TAF3: variants seen among roughly 807,000 people sequenced by gnomAD.
The protein encoded by TAF3 is transcription initiation factor TFIID subunit 3.
Under a neutral mutation model 80.6 loss-of-function variants are expected in TAF3, and 7 were observed. The observed-to-expected ratio is 0.09, with a 90% CI of 0.05 to 0.16. TAF3 has a LOEUF of 0.16. Ranked by LOEUF, TAF3 falls within the 10% of genes least tolerant of loss-of-function variation. TAF3 has a pLI of 1.00. For missense variants in TAF3, 921 were observed against 1,140.2 expected, an observed-to-expected ratio of 0.81 and a Z score of 2.77; for synonymous variants, 444 against 446.1, an observed-to-expected ratio of 1.00 and a Z score of 0.06.
rs1384524129 is a variant in TAF3, at chr10:7,996,066, T to C, written c.2316-13012T>C. 2.0e-5 allele frequency among the ~76,000 whole-genome samples: 3 copies of C among 152,242 alleles called. No homozygotes were observed. The East Asian group carries it at 5.8e-4, about 29-fold the overall frequency. ...ACCTAAGTTAGAAAAATCGAACACCTGGTGTGTTAGTTTTCTATTTCCACA... is the reference window on the plus strand; with the variant it reads ...ACCTAAGTTAGAAAAATCGAACACCCGGTGTGTTAGTTTTCTATTTCCACA... On this transcript the variant is annotated intron_variant, in intron 4 of 6. Transcript: ENST00000344293.
At chr10:7,935,750 A>C (rs942080804) in intron 2 of TAF3, among the ~76,000 whole-genome samples, 2 of 152,150 alleles carry the variant, frequency 1.3e-5, no homozygotes, top group Non-Finnish European at 2.9e-5. Context: ...GGGGAAGCAC[A>C]TTCCAAAGAG....
intron 2 of TAF3, among the ~76,000 whole-genome samples, chr10:7,875,952 A>G (rs1837308467): frequency 1.3e-5 from 2 of 151,962 alleles, no homozygotes; most frequent in Non-Finnish European, 2.9e-5. Context: ...AGTGATAGTA[A>G]TCTTATATTA....
intron 4 of TAF3, among the ~76,000 whole-genome samples, chr10:7,991,200 T>TCC (rs1434074783): frequency 1.3e-5 from 2 of 152,234 alleles, no homozygotes; most frequent in East Asian, 3.9e-4. Flanking sequence ...CACACACACA[T>TCC]ATACATACAT....
chr10:7,819,054 C>T (rs980716501), intron 1 of TAF3, among the ~76,000 whole-genome samples, 179 bp downstream of exon 1: 2 of 152,060 alleles, frequency 1.3e-5, no homozygotes, highest in Admixed American at 6.5e-5. Context: ...AGTCATCCTT[C>T]GGGTGCCTCT....
intron 4 of TAF3, among the ~76,000 whole-genome samples, chr10:8,001,435 A>T (rs1181769905): frequency 1.3e-5 from 2 of 151,978 alleles, no homozygotes; most frequent in African/African-American, 4.8e-5. Context: ...TCCTTTGCTC[A>T]TGTTTGAATA....
chr10:7,904,420 GC>G (rs1398459504), intron 2 of TAF3, among the ~76,000 whole-genome samples: 1 of 152,124 alleles, frequency 6.6e-6, no homozygotes, highest in African/African-American at 2.4e-5. Flanking sequence ...AACTGTTAAT[GC>G]CATGAGAAAG....
chr10:7,886,385 C>G (rs1157589818), intron 2 of TAF3, among the ~76,000 whole-genome samples: 1 of 152,238 alleles, frequency 6.6e-6, no homozygotes, highest in Admixed American at 6.5e-5. Context: ...TCTCTCACCT[C>G]TGTCCTTTAT....
intron 2 of TAF3, among the ~76,000 whole-genome samples, chr10:7,855,166 A>G (rs1413505563): frequency 6.6e-6 from 1 of 152,192 alleles, no homozygotes; most frequent in African/African-American, 2.4e-5. Flanking sequence ...CAATGCGGAA[A>G]CCTAAGACCC....
intron 2 of TAF3, among the ~76,000 whole-genome samples, chr10:7,835,110 A>G (rs1324125237): frequency 6.6e-6 from 1 of 152,206 alleles, no homozygotes; most frequent in Non-Finnish European, 1.5e-5. Context: ...CTGAGCCTTT[A>G]GAACACAGGT....
intron 4 of TAF3, among the ~76,000 whole-genome samples, chr10:7,997,455 G>A (rs530179235): frequency 7.9e-5 from 12 of 152,240 alleles, no homozygotes; most frequent in Non-Finnish European, 1.5e-4. Flanking sequence ...TGCAGCTGGG[G>A]AGGTGAGGAC....
intron 2 of TAF3, among the ~76,000 whole-genome samples, chr10:7,845,959 G>GTTTTTTTTTTTTTT (rs34163537): frequency 1.5e-5 from 2 of 130,938 alleles, no homozygotes; most frequent in Non-Finnish European, 3.2e-5. Context: ...GTGTGTTTTT[G>GTTTTTTTTTTTTTT]TTTTTTTTTT....
intron 2 of TAF3, among the ~76,000 whole-genome samples, chr10:7,876,750 A>G (rs930313699): frequency 6.6e-6 from 1 of 152,148 alleles, no homozygotes; most frequent in African/African-American, 2.4e-5. Context: ...CAAAGTCATT[A>G]TTTCCACTGA....
chr10:7,965,399 A>G lies in TAF3; in HGVS notation c.1889A>G (p.Lys630Arg), dbSNP rs1831559999. The part of the protein sequence containing the change: ...KKDREKGKKD[K>R]DKREKEKVKD... ...GATAGAGAGAAAGGCAAGAAAGATAAAGATAAGAGAGAGAAAGAAAAAGTG... is the reference window on the plus strand; with the variant it reads ...GATAGAGAGAAAGGCAAGAAAGATAGAGATAAGAGAGAGAAAGAAAAAGTG... The change falls in exon 3 of 7, where the codon AAA (lysine) becomes AGA (arginine). Residue 630 changes from lysine to arginine, a missense_variant. Coordinates refer to ENST00000344293, the MANE Select transcript of TAF3 (RefSeq NM_031923.4). 1 of 1,611,432 alleles carries G rather than the reference A, an allele frequency of 6.2e-7. No individual in the cohort carries two copies. The highest frequency in any genetic ancestry group is 8.5e-7 in the Non-Finnish European group (1 of 1,179,402).
chr10:7,835,809 G>A (rs535717017), intron 2 of TAF3, among the ~76,000 whole-genome samples: 67 of 152,180 alleles, frequency 4.4e-4, no homozygotes, highest in Middle Eastern at 3.4e-3. Flanking sequence ...CCTCATACTC[G>A]GGTCTCATGG....
chr10:7,828,760 G>T (rs1051388238), intron 2 of TAF3, among the ~76,000 whole-genome samples: 1 of 152,104 alleles, frequency 6.6e-6, no homozygotes, highest in Admixed American at 6.5e-5. Flanking sequence ...TAGGCTGGGC[G>T]CAGTGGCTCA....
intron 4 of TAF3, among the ~76,000 whole-genome samples, chr10:7,997,645 A>T (rs1364691058): frequency 1.3e-5 from 2 of 152,212 alleles, no homozygotes; most frequent in Non-Finnish European, 2.9e-5. Flanking sequence ...GGGCACTGTG[A>T]TCAAATCCTC....
chr10:7,919,852 A>AT (rs1195582121), intron 2 of TAF3, among the ~76,000 whole-genome samples: 3 of 152,060 alleles, frequency 2.0e-5, no homozygotes, highest in Admixed American at 6.5e-5. Flanking sequence ...GCTTAATGAC[A>AT]TTTTTTCCCT....
chr10:7,963,956 C>T lies in TAF3; in HGVS notation c.446C>T (p.Thr149Ile), dbSNP rs1242877940. The part of the protein sequence containing the change: ...EEEQVPTDGG[T>I]SAEAMQVPLE... The stretch of plus-strand genomic sequence containing the variant: ...GAGCAGGTGCCCACTGATGGAGGCA[C>T]ATCAGCAGAAGCCATGCAGGTTCCC... The change falls in exon 3 of 7, where the codon ACA becomes ATA. Residue 149 changes from threonine (T) to isoleucine (I), a missense_variant. Around this residue, in one of 6 missense-constraint regions of TAF3, gnomAD observed 106 missense variants for 191.8 expected, o/e 0.55. Coordinates refer to ENST00000344293, the MANE Select transcript of TAF3 (RefSeq NM_031923.4). 6.2e-7 allele frequency: 1 copy of T among 1,612,876 alleles called. No individual in the cohort carries two copies. Among genetic ancestry groups the T allele is most frequent in the East Asian group, 2.2e-5 (1 of 44,860 alleles).
chr10:7,852,076 G>GCCAA, intron 2 of TAF3, among the ~76,000 whole-genome samples: 1 of 151,830 alleles, frequency 6.6e-6, no homozygotes. Flanking sequence ...GAGCCACCAT[G>GCCAA]CCAAGCCTTT....
Sources: gnomAD v4.1 joint callset for allele counts (sites outside exome capture counted in the v4.1 genomes callset) on GRCh38, gnomAD v4.1.1 for gene constraint, gnomAD v4.1.1 regional missense constraint, MANE v1.5 for transcripts, NCBI Gene and HGNC (gene_info 2026-07-23, HGNC 2026-07-21) for gene names.